KLHDC4: variants seen among roughly 807,000 people sequenced by gnomAD.
KLHDC4 encodes the protein kelch domain-containing protein 4.
Under a neutral mutation model 62.4 loss-of-function variants are expected in KLHDC4, and 90 were observed. The ratio of observed to expected loss-of-function variants is 1.44; its 90% CI spans 1.22 to 1.72. The LOEUF is 1.72. Ranked by LOEUF, KLHDC4 falls within the 40% of genes most tolerant of loss-of-function variation. The probability of loss-of-function intolerance (pLI) is 0.00; values close to 1 mark genes in which losing one functional copy is unlikely to be tolerated. For synonymous variants in KLHDC4, 386 were observed against 284.4 expected (o/e 1.36, Z -3.59); for missense variants, 1,025 against 699.7 (o/e 1.47, Z -5.25).
intron 9 of KLHDC4, chr16:87,709,953 C>G (rs2035456040): frequency 2.3e-6 from 1 of 434,480 alleles, no homozygotes; most frequent in African/African-American, 2.0e-5. Context: ...GAGAGGTGGA[C>G]AGGCCCACCA....
intron 4 of KLHDC4, among the ~76,000 whole-genome samples, chr16:87,751,650 G>A (rs1207518529): frequency 6.6e-6 from 1 of 152,090 alleles, no homozygotes; most frequent in Non-Finnish European, 1.5e-5. Context: ...CAGGTGCAGT[G>A]GCTCATGCCT....
intron 4 of KLHDC4, among the ~76,000 whole-genome samples, chr16:87,753,665 G>A (rs2044381211): frequency 6.6e-6 from 1 of 152,156 alleles, no homozygotes; most frequent in African/African-American, 2.4e-5. Context: ...CCTAGGCGTG[G>A]TGGCACACGC....
chr16:87,710,941 C>T (rs2035676333), intron 9 of KLHDC4: 1 of 389,108 alleles, frequency 2.6e-6, no homozygotes, highest in Non-Finnish European at 4.8e-6. Context: ...CCAGGACCTC[C>T]AGCAAACCCT....
intron 7 of KLHDC4, among the ~76,000 whole-genome samples, chr16:87,720,224 G>T (rs377360937): frequency 6.6e-6 from 1 of 152,210 alleles, no homozygotes; most frequent in Non-Finnish European, 1.5e-5. Context: ...GCCGGGGAGC[G>T]TTTGTGGGAG....
intron 4 of KLHDC4, among the ~76,000 whole-genome samples, chr16:87,754,985 C>G (rs932250729): frequency 1.3e-5 from 2 of 152,106 alleles, no homozygotes; most frequent in African/African-American, 4.8e-5. Context: ...TCATGTGATC[C>G]TCATGCCACC....
chr16:87,708,398 C>T lies in KLHDC4; in HGVS notation c.1516G>A (p.Gly506Arg), dbSNP rs199885367. The change falls in exon 11 of 12, where the codon GGG becomes AGG. Residue 506 changes from glycine to arginine, a missense_variant. Coordinates refer to ENST00000270583, the MANE Select transcript of KLHDC4 (RefSeq NM_017566.4). ...DSEEVEGAEG[G>R]VDDEDSGEES... ...TCTCCGCTGTCTTCGTCGTCGACCCCACCCTCGGCGCCCTCAACCTCCTCA... is the reference window on the plus strand; with the variant it reads ...TCTCCGCTGTCTTCGTCGTCGACCCTACCCTCGGCGCCCTCAACCTCCTCA... 2.1e-5 allele frequency: 34 copies of T among 1,611,670 alleles called. No individual in the cohort carries two copies. The highest frequency in any genetic ancestry group is 2.9e-5 in the Non-Finnish European group (34 of 1,179,510).
At chr16:87,754,501 C>G (rs2044539862) in intron 4 of KLHDC4, among the ~76,000 whole-genome samples, 1 of 152,248 alleles carries the variant, frequency 6.6e-6, no homozygotes, top group African/African-American at 2.4e-5. Flanking sequence ...TCTAAGCACA[C>G]AATCAGCAAA....
intron 4 of KLHDC4, among the ~76,000 whole-genome samples, chr16:87,754,288 A>G (rs998621650): frequency 6.6e-6 from 1 of 151,326 alleles, no homozygotes; most frequent in African/African-American, 2.4e-5. Context: ...AGAGGTTGCA[A>G]TGAGCCGAAA....
intron 4 of KLHDC4, among the ~76,000 whole-genome samples, chr16:87,754,147 A>G (rs2044481739): frequency 1.3e-5 from 2 of 152,076 alleles, no homozygotes; most frequent in African/African-American, 4.8e-5. Flanking sequence ...CTCAAAAAAA[A>G]TAAAATAAAG....
At chr16:87,720,595 G>C (rs1321864535) in intron 7 of KLHDC4, among the ~76,000 whole-genome samples, 1 of 152,240 alleles carries the variant, frequency 6.6e-6, no homozygotes, top group Non-Finnish European at 1.5e-5. Context: ...GGCATCTCAC[G>C]TTTTGCGGGG....
chr16:87,714,628 A>C (rs759734848), intron 7 of KLHDC4, 55 bp from the exon 8 acceptor site: 2 of 1,589,000 alleles, frequency 1.3e-6, no homozygotes, highest in Non-Finnish European at 1.7e-6. Context: ...GGTTGCTTAC[A>C]GACCCCCCAA....
chr16:87,705,150 C>T (rs138215437), downstream of KLHDC4, among the ~76,000 whole-genome samples: 1 of 152,240 alleles, frequency 6.6e-6, no homozygotes, highest in Non-Finnish European at 1.5e-5. Context: ...TGGGCAAGAA[C>T]GTGGCACCGA....
chr16:87,726,706 C>T, intron 7 of KLHDC4, 59 bp downstream of exon 7: 1 of 1,329,336 alleles, frequency 7.5e-7, no homozygotes, highest in Non-Finnish European at 9.7e-7. Flanking sequence ...TCTCCCCACC[C>T]CGCGCCTCGC....
At position 87,708,953 on chromosome 16, in the gene KLHDC4, G is replaced by C. The variant is rs185676859; in HGVS notation, c.1447+312C>G. ...CTGGAGGCTCAGACCCAGGGCCTCG[G>C]GGCCCGGCTCGGACGGCCATCCACA... On this transcript the variant is annotated intron_variant, in intron 10 of 11. Coordinates refer to ENST00000270583, the MANE Select transcript of KLHDC4 (RefSeq NM_017566.4). Among the ~76,000 whole-genome samples the C allele has an allele frequency of 4.7e-4, 72 of 152,384 alleles. No homozygotes were observed. The East Asian group carries it at 0.01, about 21-fold the overall frequency.
chr16:87,764,939 A>G, intron 1 of KLHDC4: 2 of 349,344 alleles, frequency 5.7e-6, no homozygotes, highest in Non-Finnish European at 5.7e-6. Flanking sequence ...TAGGAAGAAA[A>G]GGGACAAAGG....
At chr16:87,742,668 C>T (rs12597435) in intron 5 of KLHDC4, among the ~76,000 whole-genome samples, 7,765 of 152,146 alleles carry the variant, frequency 0.051, 274 homozygotes, top group East Asian at 0.15. Flanking sequence ...GACTGATGTC[C>T]GGAGTGGGAG....
At chr16:87,761,923 C>T (rs762471117) in intron 2 of KLHDC4, 26 bp downstream of exon 2, 3 of 1,607,144 alleles carry the variant, frequency 1.9e-6, no homozygotes, top group Non-Finnish European at 2.6e-6. Context: ...AGGAAACATA[C>T]AATATGAAAA....
intron 1 of KLHDC4, 128 bp downstream of exon 1, chr16:87,765,664 G>T (rs926997139): frequency 3.5e-6 from 3 of 863,802 alleles, no homozygotes; most frequent in Non-Finnish European, 5.1e-6. Flanking sequence ...CAGTTCCTAC[G>T]GCCTCCAGCT....
intron 2 of KLHDC4, among the ~76,000 whole-genome samples, chr16:87,761,625 G>C (rs955687400): frequency 2.0e-5 from 3 of 152,158 alleles, no homozygotes; most frequent in African/African-American, 7.2e-5. Flanking sequence ...CCTACAGTAC[G>C]CACTTTTAAA....
Sources: allele counts gnomAD v4.1 joint callset (sites outside exome capture counted in the v4.1 genomes callset), GRCh38; gene constraint gnomAD v4.1.1; transcripts MANE v1.5; gene names NCBI Gene and HGNC (gene_info 2026-07-23, HGNC 2026-07-21).